Variants in URI1 observed in about 807,000 individuals in gnomAD.
The protein encoded by URI1 is URI1 prefoldin like chaperone.
In URI1, 39 loss-of-function variants were observed where a neutral mutation model predicts 60.2. The observed-to-expected ratio is 0.65, with a 90% CI of 0.50 to 0.85. URI1 has a LOEUF of 0.85. URI1 is among the 40% of genes least tolerant of loss of function. The pLI, the probability that URI1 is intolerant of heterozygous loss-of-function variation, is 0.00. For synonymous variants in URI1, 251 were observed against 236.8 expected (o/e 1.06, Z -0.55); for missense variants, 691 against 665.9 (o/e 1.04, Z -0.42).
intron 4 of URI1, among the ~76,000 whole-genome samples, chr19:29,994,830 G>A (rs1278205791): frequency 6.6e-6 from 1 of 151,150 alleles, no homozygotes; most frequent in East Asian, 1.9e-4. Flanking sequence ...GCCCAGGCTG[G>A]GAGTGCAGTG....
intron 1 of URI1, chr19:29,956,770 A>G (rs908636708): frequency 3.8e-6 from 6 of 1,596,696 alleles, no homozygotes; most frequent in Non-Finnish European, 5.1e-6. Context: ...CATGACTACA[A>G]ATAGTCCGAA....
rs531169328 is a variant in URI1, at chr19:29,974,238, C to T, written c.152+3011C>T. 9.2e-5 allele frequency among the ~76,000 whole-genome samples: 14 copies of T among 151,876 alleles called. 1 individual carries two copies. The South Asian group carries it at 1.0e-3, about 11-fold the overall frequency. On this transcript the variant is annotated intron_variant, in intron 2 of 10. Transcript: ENST00000392271. ...GATCATGTCTGTAGAACACCCTGCC[C>T]GGCACTCAATAAGTATTAATAGGAA...
chr19:29,978,244 C>T (rs1396386569), intron 2 of URI1, among the ~76,000 whole-genome samples: 1 of 152,022 alleles, frequency 6.6e-6, no homozygotes, highest in East Asian at 1.9e-4. Flanking sequence ...TTTTTTTCCC[C>T]TGAAGAGTTT....
At chr19:29,995,725 G>GTTT (rs573446078) in intron 4 of URI1, among the ~76,000 whole-genome samples, 3 of 142,624 alleles carry the variant, frequency 2.1e-5, no homozygotes, top group African/African-American at 7.7e-5. Context: ...GCTTCCCTGT[G>GTTT]TTTTTTTTTT....
At chr19:29,926,273 T>TTCCC (rs1568398964) in intron 1 of URI1, among the ~76,000 whole-genome samples, 1 of 143,770 alleles carries the variant, frequency 7.0e-6, no homozygotes, top group East Asian at 2.2e-4. Flanking sequence ...CCTTCCTTCC[T>TTCCC]TCCTTCCTTC....
chr19:29,950,419 T>C, intron 1 of URI1, among the ~76,000 whole-genome samples: 1 of 152,222 alleles, frequency 6.6e-6, no homozygotes. Flanking sequence ...TAGTCTGTCA[T>C]ATGCAATTTT....
intron 4 of URI1, among the ~76,000 whole-genome samples, chr19:29,990,645 A>G (rs925455693): frequency 3.3e-5 from 5 of 152,256 alleles, no homozygotes; most frequent in African/African-American, 1.2e-4. Context: ...GATTCCATTT[A>G]CATGAAATAT....
intron 1 of URI1, among the ~76,000 whole-genome samples, chr19:29,970,606 T>C (rs567592267): frequency 6.6e-6 from 1 of 152,200 alleles, no homozygotes; most frequent in South Asian, 2.1e-4. Context: ...GCTTACAGTC[T>C]TGATCATAAT....
chr19:29,992,451 AGACC>A (rs1199110515), intron 4 of URI1, among the ~76,000 whole-genome samples: 1 of 152,220 alleles, frequency 6.6e-6, no homozygotes, highest in African/African-American at 2.4e-5. Context: ...TGATGTACTT[AGACC>A]ATTTACATTT....
At chr19:29,956,208 T>A (rs1419685276) in intron 1 of URI1, among the ~76,000 whole-genome samples, 1 of 151,276 alleles carries the variant, frequency 6.6e-6, no homozygotes, top group African/African-American at 2.4e-5. Context: ...CTCAAACTCC[T>A]GACCTCAGGT....
intron 2 of URI1, among the ~76,000 whole-genome samples, chr19:29,975,256 A>G (rs2055506093): frequency 6.6e-6 from 1 of 152,126 alleles, no homozygotes; most frequent in Non-Finnish European, 1.5e-5. Flanking sequence ...TTTTTAATAA[A>G]AACTATTTTG....
chr19:29,942,610 C>T lies in URI1; in HGVS notation c.63C>T (p.Ala21=), dbSNP rs978554388. The part of the protein sequence containing the change: ...DPSPPSAPAP[A]LVPLRAPDVA... ...CGCCCCCTTCGGCCCCGGCCCCTGC[C>T]CTGGTTCCGTTGCGCGCCCCGGATG... The change falls in exon 1 of 11, where the codon GCC becomes GCT. Residue 21 remains alanine (A), a synonymous_variant. Coordinates refer to ENST00000392271, the MANE Select transcript of URI1 (RefSeq NM_003796.3). 2.0e-6 allele frequency: 3 copies of T among 1,477,234 alleles called. No individual in the cohort carries two copies. The highest frequency in any genetic ancestry group is 2.7e-6 in the Non-Finnish European group (3 of 1,119,326). The allele number at this position is 1,477,234 out of a possible 1,614,324, so 91.5% of individuals were successfully genotyped here. A position where few individuals can be genotyped will look rare whatever the true frequency, so the allele number is the denominator to read the frequency against.
intron 2 of URI1, among the ~76,000 whole-genome samples, chr19:29,975,023 A>C (rs1288318074): frequency 6.6e-6 from 1 of 151,046 alleles, no homozygotes; most frequent in Non-Finnish European, 1.5e-5. Flanking sequence ...TGCTATTGTG[A>C]TCATTGTGGT....
intron 1 of URI1, among the ~76,000 whole-genome samples, chr19:29,944,394 G>A (rs1333739602): frequency 1.3e-5 from 2 of 151,458 alleles, no homozygotes; most frequent in African/African-American, 4.8e-5. Flanking sequence ...CTCTGCTGCA[G>A]TGGGTTAATT....
At chr19:29,953,906 TAAGAG>T (rs1032582008) in intron 1 of URI1, among the ~76,000 whole-genome samples, 1 of 152,106 alleles carries the variant, frequency 6.6e-6, no homozygotes, top group Non-Finnish European at 1.5e-5. Context: ...GGAAGGCCTC[TAAGAG>T]AAGATAAAAG....
intron 1 of URI1, among the ~76,000 whole-genome samples, chr19:29,934,368 A>C (rs1357240529): frequency 6.6e-6 from 1 of 152,230 alleles, no homozygotes; most frequent in Non-Finnish European, 1.5e-5. Context: ...TGAGTAGCTT[A>C]AACAATAGAA....
chr19:29,961,991 G>T (rs770472839), intron 1 of URI1, among the ~76,000 whole-genome samples: 1 of 152,056 alleles, frequency 6.6e-6, no homozygotes, highest in African/African-American at 2.4e-5. Context: ...GGCTGCTTTC[G>T]ATTCTTCTGG....
upstream of URI1, among the ~76,000 whole-genome samples, chr19:29,941,283 G>A (rs1480031139): frequency 6.6e-6 from 1 of 152,152 alleles, no homozygotes; most frequent in African/African-American, 2.4e-5. Context: ...GCTGTACAAA[G>A]GGCTGTAGGA....
intron 4 of URI1, among the ~76,000 whole-genome samples, chr19:29,991,107 A>T (rs1403117228): frequency 6.6e-6 from 1 of 152,096 alleles, no homozygotes; most frequent in Non-Finnish European, 1.5e-5. Flanking sequence ...GCCTTTCCAT[A>T]TACATTTTAG....
Sources: gnomAD v4.1 joint callset for allele counts (sites outside exome capture counted in the v4.1 genomes callset) on GRCh38, gnomAD v4.1.1 for gene constraint, MANE v1.5 for transcripts, NCBI Gene and HGNC (gene_info 2026-07-23, HGNC 2026-07-21) for gene names.